HCRTR2: variants seen among roughly 807,000 people sequenced by gnomAD.
HCRTR2 encodes orexin receptor type 2.
A neutral mutation model predicts 49.0 loss-of-function variants in HCRTR2; 22 were observed. The observed-to-expected ratio is 0.45, with a 90% CI of 0.32 to 0.64. The LOEUF (loss-of-function observed/expected upper bound fraction) is 0.64. HCRTR2 is among the 30% of genes least tolerant of loss of function. The pLI, the probability that HCRTR2 is intolerant of heterozygous loss-of-function variation, is 0.04. For missense variants in HCRTR2, 491 were observed against 559.4 expected, an observed-to-expected ratio of 0.88 and a Z score of 1.23; for synonymous variants, 236 against 205.3, an observed-to-expected ratio of 1.15 and a Z score of -1.28.
chr6:55,121,065 C>T (rs1764192167), intron 1 of HCRTR2, among the ~76,000 whole-genome samples: 1 of 152,068 alleles, frequency 6.6e-6, no homozygotes. Context: ...TTACCTTGGG[C>T]AGTATGGCCA....
chr6:55,199,362 G>A (rs1220372142), intron 1 of HCRTR2, among the ~76,000 whole-genome samples: 1 of 151,818 alleles, frequency 6.6e-6, no homozygotes, highest in East Asian at 1.9e-4. Context: ...ACAAAGGGGA[G>A]GATTGAATTA....
chr6:55,217,612 C>A (rs551991362), intron 1 of HCRTR2, among the ~76,000 whole-genome samples: 1 of 152,212 alleles, frequency 6.6e-6, no homozygotes, highest in Admixed American at 6.5e-5. Context: ...GGTTCTGATA[C>A]CTTGTTCCCC....
At chr6:55,248,610 G>C (rs751422392) in intron 1 of HCRTR2, 29 bp from the exon 2 acceptor site, 1 of 1,585,156 alleles carries the variant, frequency 6.3e-7, no homozygotes, top group Admixed American at 1.7e-5. Flanking sequence ...TCTTTGTTGA[G>C]TGCCTATTCC....
At chr6:55,123,793 T>C (rs1764235685) in intron 1 of HCRTR2, among the ~76,000 whole-genome samples, 1 of 152,174 alleles carries the variant, frequency 6.6e-6, no homozygotes, top group African/African-American at 2.4e-5. Flanking sequence ...AATTACTGCC[T>C]CTATTTCAGA....
chr6:55,267,099 T>A (rs549546126), intron 4 of HCRTR2, among the ~76,000 whole-genome samples: 2 of 152,242 alleles, frequency 1.3e-5, no homozygotes, highest in Admixed American at 1.3e-4. Flanking sequence ...TAACCCCAAA[T>A]GCGTGATTAC....
intron 1 of HCRTR2, among the ~76,000 whole-genome samples, chr6:55,165,453 T>G (rs189447556): frequency 6.6e-6 from 1 of 152,118 alleles, no homozygotes; most frequent in East Asian, 1.9e-4. Context: ...ACCTTTCTTG[T>G]GTCATATACA....
chr6:55,177,956 CT>C (rs1765069288), intron 1 of HCRTR2, among the ~76,000 whole-genome samples: 1 of 152,100 alleles, frequency 6.6e-6, no homozygotes, highest in African/African-American at 2.4e-5. Flanking sequence ...GGGTAAGGTT[CT>C]TTTTGGAAGG....
At chr6:55,113,501 C>T (rs1231156301) in intron 1 of HCRTR2, among the ~76,000 whole-genome samples, 2 of 151,804 alleles carry the variant, frequency 1.3e-5, no homozygotes, top group Non-Finnish European at 2.9e-5. Flanking sequence ...AAAGAAGATA[C>T]ACAAATGGCC....
At chr6:55,235,323 G>C (rs1206469264) in intron 1 of HCRTR2, among the ~76,000 whole-genome samples, 3 of 152,076 alleles carry the variant, frequency 2.0e-5, no homozygotes, top group African/African-American at 7.2e-5. Flanking sequence ...TTTTATACAT[G>C]TGTGATAATT....
chr6:55,123,369 A>C (rs1764228676), intron 1 of HCRTR2, among the ~76,000 whole-genome samples: 1 of 152,088 alleles, frequency 6.6e-6, no homozygotes, highest in Non-Finnish European at 1.5e-5. Context: ...CCTTTTCTGC[A>C]TCTTTTGAGA....
chr6:55,127,982 C>G (rs1208320568), intron 1 of HCRTR2, among the ~76,000 whole-genome samples: 1 of 152,158 alleles, frequency 6.6e-6, no homozygotes, highest in Non-Finnish European at 1.5e-5. Context: ...GCATCTTTGT[C>G]ATGAAATCTT....
chr6:55,142,170 G>C (rs1211468942), intron 1 of HCRTR2, among the ~76,000 whole-genome samples: 1 of 151,958 alleles, frequency 6.6e-6, no homozygotes, highest in Non-Finnish European at 1.5e-5. Context: ...GCATTTGTCA[G>C]AGTACTTTTC....
In HCRTR2 at chr6:55,277,402, T is replaced by C. The variant is rs758607731; in HGVS notation, c.785T>C (p.Val262Ala). 4 of 1,613,986 alleles carry C rather than the reference T, an allele frequency of 2.5e-6. No individual in the cohort carries two copies. The highest frequency in any genetic ancestry group is 1.7e-4 in the Middle Eastern group (1 of 6,060). Residue 262 changes from valine to alanine, a missense_variant, in exon 5 of 7, where the codon GTT (valine) becomes GCT (alanine). By Grantham distance (64) the Val-to-Ala change is moderately conservative. Transcript: ENST00000370862. The stretch of plus-strand genomic sequence containing the variant: ...CAGATCCCTGGAACATCATCTGTAG[T>C]TCAGAGAAAATGGAAGCCCCTGCAG... ...CRQIPGTSSV[V>A]QRKWKPLQPV...
intron 3 of HCRTR2, among the ~76,000 whole-genome samples, chr6:55,259,145 G>C (rs1766707749): frequency 6.6e-6 from 1 of 151,608 alleles, no homozygotes; most frequent in South Asian, 2.1e-4. Context: ...ATGTACCCTT[G>C]GTCAATTGTT....
intron 4 of HCRTR2, among the ~76,000 whole-genome samples, chr6:55,266,489 C>A (rs1374565803): frequency 6.6e-6 from 1 of 152,040 alleles, no homozygotes; most frequent in Non-Finnish European, 1.5e-5. Context: ...TGAAAAATTT[C>A]TTGAAGGGGA....
intron 1 of HCRTR2, among the ~76,000 whole-genome samples, chr6:55,165,659 A>G (rs968933951): frequency 6.7e-6 from 1 of 149,944 alleles, no homozygotes; most frequent in Non-Finnish European, 1.5e-5. Flanking sequence ...GCATCGTAGA[A>G]TACTATCAAG....
At chr6:55,159,919 A>C (rs186259266) in intron 1 of HCRTR2, among the ~76,000 whole-genome samples, 1 of 152,334 alleles carries the variant, frequency 6.6e-6, no homozygotes, top group Admixed American at 6.5e-5. Flanking sequence ...ATTCTTCAGG[A>C]TATTATCCAG....
chr6:55,185,199 A>C (rs577804123), intron 1 of HCRTR2, among the ~76,000 whole-genome samples: 170 of 152,346 alleles, frequency 1.1e-3, no homozygotes, highest in African/African-American at 4.0e-3. Flanking sequence ...ATAAAAATAC[A>C]TTAACAAATC....
intron 1 of HCRTR2, among the ~76,000 whole-genome samples, chr6:55,196,094 G>A (rs1433213436): frequency 2.0e-5 from 3 of 152,176 alleles, no homozygotes; most frequent in Admixed American, 6.5e-5. Context: ...ATAGAGATCT[G>A]TAATTAATAC....
Sources: allele counts gnomAD v4.1 joint callset (sites outside exome capture counted in the v4.1 genomes callset), GRCh38; gene constraint gnomAD v4.1.1; transcripts MANE v1.5; gene names NCBI Gene and HGNC (gene_info 2026-07-23, HGNC 2026-07-21).